The following HS3ST4 variants were observed in gnomAD, a reference collection of about 807,000 sequenced individuals.
HS3ST4 encodes the protein heparan sulfate glucosamine 3-O-sulfotransferase 4.
HS3ST4 carries 17 observed loss-of-function variants against 29.2 expected under a neutral mutation model. The ratio of observed to expected loss-of-function variants is 0.58; its 90% CI spans 0.40 to 0.87. HS3ST4 has a LOEUF of 0.87. Ranked by LOEUF, HS3ST4 falls within the 40% of genes least tolerant of loss-of-function variation. HS3ST4 has a pLI of 0.00. For missense variants in HS3ST4, 627 were observed against 634.5 expected (o/e 0.99, Z 0.13); for synonymous variants, 314 against 285.7 (o/e 1.10, Z -1.00).
At chr16:25,870,842 G>A (rs998432252) in intron 1 of HS3ST4, among the ~76,000 whole-genome samples, 1 of 151,826 alleles carries the variant, frequency 6.6e-6, no homozygotes, top group African/African-American at 2.4e-5. Flanking sequence ...GTGGGAAGGA[G>A]TGCTGAGATT....
At chr16:25,848,443 T>C (rs1013729487) in intron 1 of HS3ST4, among the ~76,000 whole-genome samples, 2 of 133,018 alleles carry the variant, frequency 1.5e-5, no homozygotes, top group African/African-American at 6.1e-5. Flanking sequence ...CCCAGCCTAA[T>C]TTTAAACGAA....
intron 1 of HS3ST4, among the ~76,000 whole-genome samples, chr16:25,943,324 T>C (rs935462349): frequency 3.3e-5 from 5 of 152,200 alleles, no homozygotes; most frequent in African/African-American, 1.2e-4. Flanking sequence ...CTGAATACTC[T>C]GGAGCAACAT....
intron 1 of HS3ST4, chr16:26,032,577 G>A: frequency 7.2e-7 from 1 of 1,383,958 alleles, no homozygotes; most frequent in East Asian, 2.3e-5. Context: ...TTCTGTGCCT[G>A]GTCTGTTTTG....
At chr16:26,121,045 A>G (rs1862941928) in intron 1 of HS3ST4, among the ~76,000 whole-genome samples, 1 of 152,200 alleles carries the variant, frequency 6.6e-6, no homozygotes, top group African/African-American at 2.4e-5. Flanking sequence ...ATGCTCTGAG[A>G]TGGATCTTGC....
chr16:25,961,754 G>T (rs1968794822), intron 1 of HS3ST4, among the ~76,000 whole-genome samples: 1 of 152,044 alleles, frequency 6.6e-6, no homozygotes, highest in Admixed American at 6.6e-5. Flanking sequence ...TGATGCACAG[G>T]TAGATTGTGG....
intron 1 of HS3ST4, among the ~76,000 whole-genome samples, chr16:25,768,800 T>A (rs772333057): frequency 3.3e-5 from 5 of 152,142 alleles, no homozygotes; most frequent in Non-Finnish European, 7.3e-5. Context: ...TGGCTAATAT[T>A]TTAAAATTGG....
At chr16:25,864,937 T>C (rs1020271477) in intron 1 of HS3ST4, among the ~76,000 whole-genome samples, 2 of 102,416 alleles carry the variant, frequency 2.0e-5, no homozygotes, top group African/African-American at 7.2e-5. Flanking sequence ...ATTATATATA[T>C]ACACACACAT....
chr16:26,088,554 T>C (rs76515635), intron 1 of HS3ST4, among the ~76,000 whole-genome samples: 7,807 of 152,252 alleles, frequency 0.051, 640 homozygotes, highest in African/African-American at 0.17. Context: ...GCAGACTGAA[T>C]GAGAGGCTGA....
rs1323372597 is a variant in HS3ST4 at position 25,692,748 on chromosome 16, C to T, written c.331C>T (p.Pro111Ser). 3 of 1,291,942 alleles carry T rather than the reference C, an allele frequency of 2.3e-6. No individual in the cohort carries two copies. Among genetic ancestry groups the T allele is most frequent in the Non-Finnish European group, 2.9e-6 (3 of 1,025,170 alleles). 80.0% of individuals were successfully genotyped at this position (1,291,942 alleles called of 1,614,324 possible). A position where few individuals can be genotyped will look rare whatever the true frequency, so the allele number is the denominator to read the frequency against. Reference protein sequence around the residue: ...PPLDNASHGEPPEPPEQPAAP... With the variant: ...PPLDNASHGESPEPPEQPAAP... ...GCTGGACAACGCGAGCCACGGGGAGCCGCCCGAGCCCCCAGAGCAGCCAGC... is the reference window on the plus strand; with the variant it reads ...GCTGGACAACGCGAGCCACGGGGAGTCGCCCGAGCCCCCAGAGCAGCCAGC... The change falls in exon 1 of 2, where the codon CCG becomes TCG. Residue 111 changes from proline (P) to serine (S), a missense_variant. Physicochemically the swap from Pro to Ser is moderately conservative, Grantham distance 74 (BLOSUM62 -1). Around this residue, in one of 2 missense-constraint regions of HS3ST4, gnomAD observed 402 missense variants for 340.8 expected, o/e 1.18. Coordinates refer to ENST00000331351, the MANE Select transcript of HS3ST4 (RefSeq NM_006040.3).
At chr16:25,955,048 A>G (rs1968716074) in intron 1 of HS3ST4, among the ~76,000 whole-genome samples, 2 of 152,218 alleles carry the variant, frequency 1.3e-5, no homozygotes, top group Admixed American at 1.3e-4. Context: ...GCTAACTGAG[A>G]GAATGGGTGG....
At position 25,911,962 on chromosome 16, in the gene HS3ST4, C is replaced by T. The variant is rs138257661; in HGVS notation, c.734+218811C>T. Among the ~76,000 whole-genome samples the T allele has an allele frequency of 2.6e-5, 4 of 152,198 alleles. No homozygotes were observed. In the East Asian group the frequency reaches 7.7e-4, roughly 29 times the overall value. Reference sequence around the variant, plus strand: ...ACACCTGTCTAAATGCAGCACGGAACAGGAAAAAGATGGGGTTTGGGTAAA... The same window carrying T: ...ACACCTGTCTAAATGCAGCACGGAATAGGAAAAAGATGGGGTTTGGGTAAA... On this transcript the variant is annotated intron_variant, in intron 1 of 1. Transcript: ENST00000331351.
At chr16:25,700,995 A>G (rs1184465367) in intron 1 of HS3ST4, among the ~76,000 whole-genome samples, 1 of 152,224 alleles carries the variant, frequency 6.6e-6, no homozygotes, top group Non-Finnish European at 1.5e-5. Flanking sequence ...GTAAACAACA[A>G]AAGACATTTG....
chr16:26,016,814 C>T (rs570227016), intron 1 of HS3ST4, among the ~76,000 whole-genome samples: 12 of 152,276 alleles, frequency 7.9e-5, no homozygotes, highest in African/African-American at 2.9e-4. Context: ...GTCTAGTGCT[C>T]ACTCATATTT....
chr16:26,118,759 C>CAGGGAA (rs1195444198), intron 1 of HS3ST4, among the ~76,000 whole-genome samples: 9 of 152,110 alleles, frequency 5.9e-5, no homozygotes, highest in East Asian at 5.8e-4. Flanking sequence ...CAGGTCCCTG[C>CAGGGAA]AGGGAAAGGA....
At chr16:25,889,265 C>A (rs1347950008) in intron 1 of HS3ST4, among the ~76,000 whole-genome samples, 4 of 152,166 alleles carry the variant, frequency 2.6e-5, no homozygotes, top group African/African-American at 7.2e-5. Flanking sequence ...TCTCCTTTGC[C>A]AGAAGGATGT....
chr16:25,796,313 T>C (rs564034210), intron 1 of HS3ST4, among the ~76,000 whole-genome samples: 1 of 152,192 alleles, frequency 6.6e-6, no homozygotes, highest in South Asian at 2.1e-4. Flanking sequence ...GGTTTGGGGG[T>C]TTGGCTTTTA....
At chr16:25,720,542 C>G (rs1024338887) in intron 1 of HS3ST4, among the ~76,000 whole-genome samples, 2 of 152,116 alleles carry the variant, frequency 1.3e-5, no homozygotes, top group African/African-American at 4.8e-5. Flanking sequence ...GTAAGAATTG[C>G]TAAGAATTGG....
chr16:25,698,318 G>A (rs1017719894), intron 1 of HS3ST4, among the ~76,000 whole-genome samples: 20 of 152,252 alleles, frequency 1.3e-4, no homozygotes, highest in African/African-American at 4.1e-4. Context: ...ACCCTCCCAT[G>A]TGAAGATCTG....
chr16:25,924,362 C>T (rs1968383232), intron 1 of HS3ST4, among the ~76,000 whole-genome samples: 2 of 152,208 alleles, frequency 1.3e-5, no homozygotes, highest in Non-Finnish European at 2.9e-5. Flanking sequence ...AGCCTTTCAT[C>T]TACCTCCTGT....
Sources: allele counts gnomAD v4.1 joint callset (sites outside exome capture counted in the v4.1 genomes callset), GRCh38; gene constraint gnomAD v4.1.1; regional missense constraint gnomAD v4.1.1; transcripts MANE v1.5; gene names NCBI Gene and HGNC (gene_info 2026-07-23, HGNC 2026-07-21).